The following COL14A1 variants were observed in gnomAD, a reference collection of about 807,000 sequenced individuals.
COL14A1 encodes the protein collagen alpha-1(XIV) chain.
A neutral mutation model predicts 230.3 loss-of-function variants in COL14A1; 136 were observed. The ratio of observed to expected loss-of-function variants is 0.59; its 90% CI spans 0.51 to 0.68. COL14A1 has a LOEUF of 0.68. Among genes scored for constraint, COL14A1 ranks in the 30% least tolerant of loss-of-function variants. COL14A1 has a pLI of 0.00. For missense variants in COL14A1, 1,976 were observed against 2,215.8 expected (o/e 0.89, Z 2.17); for synonymous variants, 792 against 784.1 (o/e 1.01, Z -0.17).
At chr8:120,195,414 C>T (rs1463588245) in intron 5 of COL14A1, among the ~76,000 whole-genome samples, 2 of 152,130 alleles carry the variant, frequency 1.3e-5, no homozygotes, top group Admixed American at 6.6e-5. Context: ...TTAATGATCT[C>T]TAGTCCTAAC....
intron 44 of COL14A1, among the ~76,000 whole-genome samples, chr8:120,342,912 C>T (rs1200079590): frequency 6.6e-6 from 1 of 152,168 alleles, no homozygotes; most frequent in Non-Finnish European, 1.5e-5. Context: ...TACCTTCTGG[C>T]TAGCCTAAGG....
Position 120,231,073 on chromosome 8 carries a change from G to C in COL14A1, c.2198-394G>C, listed in dbSNP as rs114744210. Among the ~76,000 whole-genome samples the C allele has an allele frequency of 4.0e-3, 609 of 152,304 alleles. 4 individuals carry two copies. Among genetic ancestry groups the C allele is most frequent in the African/African-American group, 0.014 (588 of 41,572 alleles). On this transcript the variant is annotated intron_variant, in intron 18 of 47. Transcript: ENST00000297848. Reference sequence around the variant, plus strand: ...TGTGTTGGATGCTGGATTGCACACAGAGGTGGACAAAGTCTGGCCCACTGT... The same window carrying C: ...TGTGTTGGATGCTGGATTGCACACACAGGTGGACAAAGTCTGGCCCACTGT...
At chr8:120,356,880 T>G (rs1823006936) in intron 45 of COL14A1, among the ~76,000 whole-genome samples, 1 of 152,212 alleles carries the variant, frequency 6.6e-6, no homozygotes, top group Admixed American at 6.5e-5. Context: ...TTGAATGCCC[T>G]TCAGAACAAG....
chr8:120,153,699 T>C (rs1027385066), intron 2 of COL14A1, among the ~76,000 whole-genome samples: 1 of 152,220 alleles, frequency 6.6e-6, no homozygotes, highest in Non-Finnish European at 1.5e-5. Context: ...AAAATAAATT[T>C]TCTCTGGTCA....
chr8:120,218,009 T>C (rs1817808883), intron 14 of COL14A1, among the ~76,000 whole-genome samples: 1 of 142,568 alleles, frequency 7.0e-6, no homozygotes, highest in South Asian at 2.1e-4. Flanking sequence ...ATTATATATT[T>C]AAATTATATA....
intron 1 of COL14A1, among the ~76,000 whole-genome samples, chr8:120,144,168 GA>G (rs1815010155): frequency 6.7e-6 from 1 of 148,920 alleles, no homozygotes; most frequent in South Asian, 2.1e-4. Flanking sequence ...GAGTTGGACA[GA>G]AACAATCTTG....
chr8:120,336,689 C>T (rs1409937133), intron 42 of COL14A1, among the ~76,000 whole-genome samples: 2 of 152,172 alleles, frequency 1.3e-5, no homozygotes, highest in Non-Finnish European at 2.9e-5. Flanking sequence ...AGGATGGGCC[C>T]CTACTTTCCT....
At chr8:120,370,644 G>T in intron 47 of COL14A1, 1 of 1,454,078 alleles carries the variant, frequency 6.9e-7, no homozygotes. Context: ...GTATATGATC[G>T]TGTGCCAAGA....
At chr8:120,206,718 A>G (rs1159018530) in intron 9 of COL14A1, among the ~76,000 whole-genome samples, 1 of 152,212 alleles carries the variant, frequency 6.6e-6, no homozygotes, top group Non-Finnish European at 1.5e-5. Context: ...GTCAAGAACT[A>G]TGTCTTATTT....
At chr8:120,251,913 TTCTA>T (rs1056070691) in intron 22 of COL14A1, among the ~76,000 whole-genome samples, 8 of 152,244 alleles carry the variant, frequency 5.3e-5, no homozygotes, top group Middle Eastern at 3.4e-3. Context: ...GCTACTCTTT[TTCTA>T]TCTATTTTGT....
chr8:120,155,921 T>G (rs981802417), intron 2 of COL14A1, among the ~76,000 whole-genome samples: 1 of 152,164 alleles, frequency 6.6e-6, no homozygotes, highest in Non-Finnish European at 1.5e-5. Flanking sequence ...AATTTATGCT[T>G]TCTCATTAGC....
chr8:120,316,028 AAAG>A, intron 40 of COL14A1, 31 bp downstream of exon 40: 1 of 1,611,840 alleles, frequency 6.2e-7, no homozygotes, highest in Non-Finnish European at 8.5e-7. Context: ...GGTTTTTAGC[AAAG>A]TAGTGACCTT....
At chr8:120,278,345 T>G in intron 27 of COL14A1, 90 bp from the exon 28 acceptor site, 13 of 1,512,948 alleles carry the variant, frequency 8.6e-6, no homozygotes, top group Non-Finnish European at 1.1e-5. Flanking sequence ...TTTTTTTCAT[T>G]AATTTAAGAA....
At chr8:120,344,685 G>A (rs1274761217) in intron 44 of COL14A1, among the ~76,000 whole-genome samples, 2 of 152,184 alleles carry the variant, frequency 1.3e-5, no homozygotes, top group Non-Finnish European at 2.9e-5. Context: ...ATAAATAACA[G>A]TAAACTAGAA....
chr8:120,125,863 C>T (rs1814317667), intron 1 of COL14A1, among the ~76,000 whole-genome samples: 1 of 152,182 alleles, frequency 6.6e-6, no homozygotes, highest in African/African-American at 2.4e-5. Flanking sequence ...CCTGTTGGCT[C>T]TGCTACAGAT....
chr8:120,205,969 G>A (rs1021946253), intron 9 of COL14A1, among the ~76,000 whole-genome samples: 13 of 152,060 alleles, frequency 8.5e-5, no homozygotes, highest in African/African-American at 3.1e-4. Context: ...AGAATCATTT[G>A]CTTTAACATG....
At position 120,203,869 on chromosome 8, in the gene COL14A1, A is replaced by C. The variant is rs1817340502; in HGVS notation, c.1038A>C (p.Lys346Asn). 1 of 1,613,098 alleles carries C rather than the reference A, an allele frequency of 6.2e-7. No homozygotes were observed. The highest frequency in any genetic ancestry group is 8.5e-7 in the Non-Finnish European group (1 of 1,179,382). Residue 346 changes from lysine (K) to asparagine (N), a missense_variant and splice_region_variant, in exon 9 of 48, where the codon AAA (lysine) becomes AAC (asparagine). Physicochemically the swap from Lys to Asn is moderately conservative, Grantham distance 94 (BLOSUM62 0). Transcript: ENST00000297848. ...SRVEEQDREI[K>N]ASAHAITGPP... The stretch of plus-strand genomic sequence containing the variant: ...TGGAAGAACAGGACAGAGAAATTAA[A>C]GGTAAAATGAGTGACAGAGCAGTCC...
rs746204328 is a variant in COL14A1 at position 120,243,873 on chromosome 8, G to A, written c.2350-6G>A. On this transcript the variant is annotated splice_polypyrimidine_tract_variant and splice_region_variant and intron_variant, in intron 19 of 47. Transcript: ENST00000297848. ...TAAGACTGCAGTCCTTTGCTTTTTT[G>A]TTCAGGTTATGGTGCCTGGAAGCCA... 2 of 1,610,610 alleles carry A rather than the reference G, an allele frequency of 1.2e-6. No homozygotes were observed. The highest frequency in any genetic ancestry group is 1.7e-5 in the Admixed American group (1 of 59,374).
intron 42 of COL14A1, among the ~76,000 whole-genome samples, chr8:120,340,144 G>T: frequency 6.7e-6 from 1 of 149,272 alleles, no homozygotes; most frequent in Admixed American, 6.7e-5. Flanking sequence ...GTATTGAATA[G>T]ACATAGCAGG....
Sources: gnomAD v4.1 joint callset for allele counts (sites outside exome capture counted in the v4.1 genomes callset) on GRCh38, gnomAD v4.1.1 for gene constraint, MANE v1.5 for transcripts, NCBI Gene and HGNC (gene_info 2026-07-23, HGNC 2026-07-21) for gene names.